Variants in PRKG1 observed in about 807,000 individuals in gnomAD.
PRKG1 encodes the protein protein kinase cGMP-dependent 1.
A neutral mutation model predicts 88.1 loss-of-function variants in PRKG1; 35 were observed. The ratio of observed to expected loss-of-function variants is 0.40; its 90% CI spans 0.30 to 0.53. The LOEUF (loss-of-function observed/expected upper bound fraction) is 0.53. Ranked by LOEUF, PRKG1 falls within the 20% of genes least tolerant of loss-of-function variation. PRKG1 has a pLI of 0.59. For synonymous variants in PRKG1, 303 were observed against 292.5 expected, an observed-to-expected ratio of 1.04 and a Z score of -0.37; for missense variants, 540 against 839.8, an observed-to-expected ratio of 0.64 and a Z score of 4.41.
chr10:52,197,266 C>A (rs1411662634), intron 9 of PRKG1, among the ~76,000 whole-genome samples: 1 of 152,088 alleles, frequency 6.6e-6, no homozygotes, highest in African/African-American at 2.4e-5. Context: ...TTCATACATT[C>A]CACCCCAGCA....
chr10:51,290,987 T>G (rs1840568568), intron 2 of PRKG1, among the ~76,000 whole-genome samples: 1 of 152,210 alleles, frequency 6.6e-6, no homozygotes, highest in African/African-American at 2.4e-5. Flanking sequence ...TAGTTAATAT[T>G]TTTACTTTAA....
At chr10:51,507,805 G>T (rs764488468) in intron 3 of PRKG1, among the ~76,000 whole-genome samples, 1 of 152,092 alleles carries the variant, frequency 6.6e-6, no homozygotes, top group African/African-American at 2.4e-5. Context: ...TTACACCATC[G>T]AAGATGTTCT....
intron 1 of PRKG1, among the ~76,000 whole-genome samples, chr10:51,065,962 T>A (rs185110163): frequency 2.4e-4 from 36 of 151,828 alleles, no homozygotes; most frequent in South Asian, 4.2e-4. Context: ...TCAGAGAGAG[T>A]TTTTTTAGGG....
chr10:51,163,503 G>GGA (rs1846423255), intron 2 of PRKG1, among the ~76,000 whole-genome samples: 2 of 152,118 alleles, frequency 1.3e-5, no homozygotes, highest in Non-Finnish European at 2.9e-5. Context: ...TGAGGTACCG[G>GGA]GTTCATCTCA....
At position 51,391,544 on chromosome 10, in the gene PRKG1, T is replaced by C. The variant is rs2132647821; in HGVS notation, c.479-76179T>C. Among the ~76,000 whole-genome samples, 3 of 152,342 alleles carry C rather than the reference T, an allele frequency of 2.0e-5. 1 individual carries two copies. The highest frequency in any genetic ancestry group is 2.0e-4 in the Admixed American group (3 of 15,308). On this transcript the variant is annotated intron_variant, in intron 2 of 17. Coordinates refer to ENST00000373980, the MANE Select transcript of PRKG1 (RefSeq NM_006258.4). ...GGCTTTGCCTTTTGAGGCTTACACA[T>C]ATTATCACTAAAGTACATTATCATT...
intron 9 of PRKG1, among the ~76,000 whole-genome samples, chr10:52,189,473 G>A (rs1839308706): frequency 6.6e-6 from 1 of 152,158 alleles, no homozygotes; most frequent in Non-Finnish European, 1.5e-5. Context: ...ATTACTACCT[G>A]AGCTCTGCCC....
intron 6 of PRKG1, among the ~76,000 whole-genome samples, chr10:52,057,478 G>A (rs147734118): frequency 2.0e-5 from 3 of 152,118 alleles, no homozygotes; most frequent in African/African-American, 7.2e-5. Context: ...ATAAAGCACC[G>A]AAGATTCCTG....
Position 51,959,250 on chromosome 10 carries a change from A to AGAGTAAT in PRKG1, c.762+51681_762+51687dup, listed in dbSNP as rs1843387751. Among the ~76,000 whole-genome samples the AGAGTAAT allele has an allele frequency of 2.6e-5, 4 of 152,328 alleles. No homozygotes were observed. In the South Asian group the frequency reaches 8.3e-4, roughly 32 times the overall value. On this transcript the variant is annotated intron_variant, in intron 5 of 17. Coordinates refer to ENST00000373980, the MANE Select transcript of PRKG1 (RefSeq NM_006258.4). ...GAAATGTGTACAAATATGCAATCAC[A>AGAGTAAT]GAGTAATTAATCATCATTTTACGAT...
intron 2 of PRKG1, among the ~76,000 whole-genome samples, chr10:51,195,733 T>C (rs553384028): frequency 1.3e-5 from 2 of 152,288 alleles, no homozygotes; most frequent in South Asian, 2.1e-4. Context: ...ATTTTATGTC[T>C]CTTAGAAAAT....
At chr10:51,241,546 T>A (rs568117079) in intron 2 of PRKG1, among the ~76,000 whole-genome samples, 57 of 152,302 alleles carry the variant, frequency 3.7e-4, no homozygotes, top group African/African-American at 1.3e-3. Context: ...CTGATATCCT[T>A]ATATTAGCCT....
chr10:51,068,245 A>C (rs1843779402), intron 1 of PRKG1, among the ~76,000 whole-genome samples: 1 of 152,022 alleles, frequency 6.6e-6, no homozygotes, highest in Non-Finnish European at 1.5e-5. Context: ...CTTAATTTGA[A>C]GCTAGGTGAT....
At chr10:51,237,448 G>A (rs1051463177) in intron 2 of PRKG1, among the ~76,000 whole-genome samples, 3 of 152,126 alleles carry the variant, frequency 2.0e-5, no homozygotes, top group African/African-American at 4.8e-5. Flanking sequence ...ATTTAGGAAA[G>A]ATTAAAAATT....
chr10:51,209,203 C>T (rs948422854), intron 2 of PRKG1, among the ~76,000 whole-genome samples: 2 of 151,932 alleles, frequency 1.3e-5, no homozygotes, highest in Admixed American at 6.6e-5. Flanking sequence ...TTGTCTGAAA[C>T]GTTTTCCTTT....
chr10:51,207,183 T>C (rs1838084829), intron 2 of PRKG1, among the ~76,000 whole-genome samples: 2 of 152,230 alleles, frequency 1.3e-5, no homozygotes, highest in African/African-American at 2.4e-5. Context: ...GATTATGTTC[T>C]ACATCATTAA....
At chr10:52,046,271 C>CT (rs1433395096) in intron 5 of PRKG1, among the ~76,000 whole-genome samples, 2 of 151,994 alleles carry the variant, frequency 1.3e-5, no homozygotes, top group Admixed American at 1.3e-4. Flanking sequence ...CTCTGACCTT[C>CT]TTTTTTTATG....
At chr10:51,065,654 G>C (rs967366507) in intron 1 of PRKG1, among the ~76,000 whole-genome samples, 1 of 152,046 alleles carries the variant, frequency 6.6e-6, no homozygotes, top group African/African-American at 2.4e-5. Context: ...TTTTCCATCA[G>C]AGAGGTGTGT....
intron 3 of PRKG1, among the ~76,000 whole-genome samples, chr10:51,550,570 A>C (rs116541194): frequency 6.6e-6 from 1 of 152,090 alleles, no homozygotes; most frequent in Admixed American, 6.6e-5. Flanking sequence ...ACTTACCACT[A>C]TTCTAGATTT....
intron 3 of PRKG1, among the ~76,000 whole-genome samples, chr10:51,626,897 G>A (rs1216655073): frequency 6.6e-6 from 1 of 151,996 alleles, no homozygotes; most frequent in Non-Finnish European, 1.5e-5. Flanking sequence ...AGTGTTCAGG[G>A]CTCTTTTTTT....
intron 7 of PRKG1, among the ~76,000 whole-genome samples, chr10:52,108,551 G>T (rs1847478816): frequency 6.6e-6 from 1 of 152,044 alleles, no homozygotes; most frequent in Non-Finnish European, 1.5e-5. Context: ...GTAAAATGTG[G>T]CCTCTCATTT....
Sources: gnomAD v4.1 joint callset for allele counts (sites outside exome capture counted in the v4.1 genomes callset) on GRCh38, gnomAD v4.1.1 for gene constraint, MANE v1.5 for transcripts, NCBI Gene and HGNC (gene_info 2026-07-23, HGNC 2026-07-21) for gene names.